The following CLASRP variants were observed in gnomAD, a reference collection of about 807,000 sequenced individuals.
The protein encoded by CLASRP is CLK4-associating serine/arginine rich protein.
A neutral mutation model predicts 99.9 loss-of-function variants in CLASRP; 52 were observed. The observed-to-expected ratio is 0.52, with a 90% CI of 0.42 to 0.66. CLASRP has a LOEUF of 0.66. Ranked by LOEUF, CLASRP falls within the 30% of genes least tolerant of loss-of-function variation. The pLI is 0.00. For missense variants in CLASRP, 848 were observed against 999.2 expected (o/e 0.85, Z 2.04); for synonymous variants, 379 against 373.0 (o/e 1.02, Z -0.18).
At position 45,068,123 on chromosome 19, in the gene CLASRP, G is replaced by C. The variant is rs962943482; in HGVS notation, c.1707+69G>C. 3.5e-5 allele frequency: 51 copies of C among 1,460,596 alleles called. 1 individual carries two copies. The highest frequency in any genetic ancestry group is 4.7e-5 in the Non-Finnish European group (49 of 1,042,578). The allele number at this position is 1,460,596 out of a possible 1,614,324, so 90.5% of individuals were successfully genotyped here. ...GCAGTGCCCAAGAGCTGGGCCCGGT[G>C]GGCCTGCAGGGGGGCCCGGGTGGGC... On this transcript the variant is annotated intron_variant, in intron 15 of 20. Coordinates refer to ENST00000221455, the MANE Select transcript of CLASRP (RefSeq NM_007056.3).
At chr19:45,040,364 G>A in intron 2 of CLASRP, 53 bp downstream of exon 2, 5 of 1,282,252 alleles carry the variant, frequency 3.9e-6, no homozygotes, top group Non-Finnish European at 5.6e-6. Context: ...GGGGGGCACA[G>A]CTGGTCATCC....
chr19:45,053,117 G>A lies in CLASRP; in HGVS notation c.319G>A (p.Asp107Asn). The A allele has an allele frequency of 6.2e-7, 1 of 1,614,072 alleles. No homozygotes were observed. The highest frequency in any genetic ancestry group is 8.5e-7 in the Non-Finnish European group (1 of 1,180,016). The change falls in exon 5 of 21, where the codon GAC becomes AAC. Residue 107 changes from aspartate (D) to asparagine (N), a missense_variant. By Grantham distance (23) the Asp-to-Asn change is conservative. Coordinates refer to ENST00000221455, the MANE Select transcript of CLASRP (RefSeq NM_007056.3). ...CTAAAGCTCCCCAGAACAGGAGTCG[G>A]ACGAACGGAAGTGTAACTACGAGCG... ...LTTISPEQES[D>N]ERKCNYERYR...
rs933969326 is a variant in CLASRP at position 45,057,813 on chromosome 19, G to A, written c.528G>A (p.Glu176=). 1.9e-6 allele frequency: 3 copies of A among 1,613,974 alleles called. No individual in the cohort carries two copies. In the African/African-American group the frequency reaches 4.0e-5, roughly 22 times the overall value. The stretch of plus-strand genomic sequence containing the variant: ...AGGACAGCACGGTGGCCGAGGTAGA[G>A]AAGGCGGCAGAAAAGCCAGAGGAGG... ...TYEDSTVAEV[E]KAAEKPEEEE... The change falls in exon 7 of 21, where the codon GAG becomes GAA. Residue 176 remains glutamate, a synonymous_variant. Coordinates refer to ENST00000221455, the MANE Select transcript of CLASRP (RefSeq NM_007056.3).
intron 2 of CLASRP, among the ~76,000 whole-genome samples, chr19:45,048,506 A>G (rs1158921528): frequency 2.0e-5 from 3 of 151,594 alleles, no homozygotes; most frequent in East Asian, 2.0e-4. Flanking sequence ...AGCCTGGGCA[A>G]CAAGAGTGAA....
rs1212989346 is a variant in CLASRP, at chr19:45,060,372, C to T, written c.711-17C>T. ...GCCTGCCCCATCCTCCACCCTAATT[C>T]TCACCCACCTCTATAGGATGCTCCG... is the stretch of plus-strand genomic sequence containing the variant. On this transcript the variant is annotated splice_polypyrimidine_tract_variant and intron_variant, in intron 8 of 20. Coordinates refer to ENST00000221455, the MANE Select transcript of CLASRP (RefSeq NM_007056.3). The surrounding 1 kb of genome is among the most constrained non-coding windows in gnomAD (Gnocchi z 4.6). The T allele has an allele frequency of 6.2e-7, 1 of 1,613,072 alleles. No individual in the cohort carries two copies. The highest frequency in any genetic ancestry group is 8.5e-7 in the Non-Finnish European group (1 of 1,179,090).
At chr19:45,070,617 G>C in intron 20 of CLASRP, 56 bp downstream of exon 20, 1 of 1,534,262 alleles carries the variant, frequency 6.5e-7, no homozygotes, top group Non-Finnish European at 9.0e-7. Context: ...CCTTTGATGG[G>C]AGGTCCTGGC....
intron 2 of CLASRP, chr19:45,047,430 AACAG>A (rs1971941460): frequency 6.6e-6 from 1 of 151,504 alleles, no homozygotes; most frequent in African/African-American, 2.4e-5. Flanking sequence ...AAAAAAAAAA[AACAG>A]AGAGAGAGAG....
chr19:45,052,749 G>C (rs1480829963), intron 3 of CLASRP, 42 bp from the exon 4 acceptor site: 1 of 1,457,070 alleles, frequency 6.9e-7, no homozygotes, highest in Non-Finnish European at 9.6e-7. Context: ...TGGGCAGTAT[G>C]GACCCTGAGG....
At chr19:45,039,356 C>CAA (rs1297475418) in intron 1 of CLASRP, among the ~76,000 whole-genome samples, 17 of 132,862 alleles carry the variant, frequency 1.3e-4, no homozygotes, top group African/African-American at 4.2e-4. Context: ...GCCCCCTTGT[C>CAA]AAAAAAAAAA....
At chr19:45,043,945 G>A (rs1346662996) in intron 2 of CLASRP, among the ~76,000 whole-genome samples, 4 of 151,940 alleles carry the variant, frequency 2.6e-5, no homozygotes, top group Admixed American at 6.6e-5. Context: ...GCAGTGGCAC[G>A]ATCTCGGCTC....
At position 45,064,238 on chromosome 19, in the gene CLASRP, C is replaced by T; in HGVS notation, c.1121+11C>T. The T allele has an allele frequency of 7.6e-6, 12 of 1,574,062 alleles. No individual in the cohort carries two copies. The highest frequency in any genetic ancestry group is 2.3e-5 in the East Asian group (1 of 43,274). ...TAATGCCAGCGCCCGGTCGGTAACG[C>T]TCACGCCGCCCGCCCTACGCCCCGG... On this transcript the variant is annotated intron_variant, in intron 12 of 20. Coordinates refer to ENST00000221455, the MANE Select transcript of CLASRP (RefSeq NM_007056.3).
intron 2 of CLASRP, among the ~76,000 whole-genome samples, chr19:45,051,586 G>A (rs1972024032): frequency 1.3e-5 from 2 of 152,106 alleles, no homozygotes; most frequent in South Asian, 2.1e-4. Context: ...GATTACAGGC[G>A]TGAGCCACCA....
intron 13 of CLASRP, among the ~76,000 whole-genome samples, chr19:45,064,895 A>C (rs1036836204): frequency 2.6e-5 from 4 of 152,110 alleles, no homozygotes; most frequent in African/African-American, 9.7e-5. Context: ...GAGACTGTGC[A>C]TCTCTCTCTC....
At chr19:45,050,483 A>G (rs1007590540) in intron 2 of CLASRP, among the ~76,000 whole-genome samples, 6 of 152,046 alleles carry the variant, frequency 3.9e-5, no homozygotes, top group African/African-American at 1.4e-4. Context: ...TCGAGAGTTC[A>G]AGACCAGCCA....
In CLASRP at chr19:45,067,461, C is replaced by G; in HGVS notation, c.1534C>G (p.Arg512Gly). 2 of 1,552,306 alleles carry G rather than the reference C, an allele frequency of 1.3e-6. No homozygotes were observed. Among genetic ancestry groups the G allele is most frequent in the Non-Finnish European group, 1.7e-6 (2 of 1,153,624 alleles). Reference protein sequence around the residue: ...PSRSRSLTRSRSHSPSPSQSR... With the variant: ...PSRSRSLTRSGSHSPSPSQSR... ...CCGCAGTCGCAGCCTGACTCGCAGC[C>G]GCAGCCATAGCCCCAGCCCCAGCCA... Residue 512 changes from arginine (R) to glycine (G), a missense_variant, in exon 14 of 21, where the codon CGC (arginine) becomes GGC (glycine). Arg to Gly is a moderately radical substitution (Grantham distance 125). This residue lies in a region of CLASRP where 489 missense variants were observed against 434.7 expected (regional missense o/e 1.12). Coordinates refer to ENST00000221455, the MANE Select transcript of CLASRP (RefSeq NM_007056.3). This position sits in a 1 kb window ranked among gnomAD's most constrained non-coding sequence, Gnocchi z 4.9.
Position 45,057,804 on chromosome 19 carries a change from C to T in CLASRP, c.519C>T (p.Ala173=), listed in dbSNP as rs370248932. The T allele has an allele frequency of 1.1e-5, 18 of 1,613,868 alleles. No homozygotes were observed. The highest frequency in any genetic ancestry group is 5.3e-5 in the African/African-American group (4 of 74,878). Reference sequence around the variant, plus strand: ...ATACCTACGAGGACAGCACGGTGGCCGAGGTAGAGAAGGCGGCAGAAAAGC... The same window carrying T: ...ATACCTACGAGGACAGCACGGTGGCTGAGGTAGAGAAGGCGGCAGAAAAGC... The part of the protein sequence containing the change: ...IGYTYEDSTV[A]EVEKAAEKPE... The change falls in exon 7 of 21, where the codon GCC becomes GCT. Residue 173 remains alanine, a synonymous_variant. Coordinates refer to ENST00000221455, the MANE Select transcript of CLASRP (RefSeq NM_007056.3).
In CLASRP at chr19:45,059,194, C is replaced by T. The variant is rs1414222959; in HGVS notation, c.614-74C>T. On this transcript the variant is annotated intron_variant, in intron 7 of 20. Transcript: ENST00000221455. The stretch of plus-strand genomic sequence containing the variant: ...CTGGCGGGCGCCCCATCATCCCCGC[C>T]TCCTGGAGCACTGCCCCTTCTCCCC... 6 of 1,316,530 alleles carry T rather than the reference C, an allele frequency of 4.6e-6. No individual in the cohort carries two copies. In the South Asian group the frequency reaches 6.3e-5, roughly 14 times the overall value. The allele number at this position is 1,316,530 out of a possible 1,614,324, so 81.6% of individuals were successfully genotyped here. A position where few individuals can be genotyped will look rare whatever the true frequency, so the allele number is the denominator to read the frequency against.
rs1307873029 is a variant in CLASRP at position 45,067,830 on chromosome 19, T to A, written c.1668-185T>A. Among the ~76,000 whole-genome samples the A allele has an allele frequency of 1.3e-5, 2 of 151,766 alleles. No homozygotes were observed. The highest frequency in any genetic ancestry group is 4.8e-5 in the African/African-American group (2 of 41,288). On this transcript the variant is annotated intron_variant, in intron 14 of 20. Coordinates refer to ENST00000221455, the MANE Select transcript of CLASRP (RefSeq NM_007056.3). This position sits in a 1 kb window ranked among gnomAD's most constrained non-coding sequence, Gnocchi z 4.9. ...ATTAGAACCTTGTCCTGGGTGAGGGTCAGAGGGGGACAGGTCCCTGTCTTA... is the reference window on the plus strand; with the variant it reads ...ATTAGAACCTTGTCCTGGGTGAGGGACAGAGGGGGACAGGTCCCTGTCTTA...
Position 45,064,614 on chromosome 19 carries a change from C to G in CLASRP, c.1393C>G (p.Pro465Ala), listed in dbSNP as rs1172411243. 1 of 1,551,436 alleles carries G rather than the reference C, an allele frequency of 6.4e-7. No individual in the cohort carries two copies. The highest frequency in any genetic ancestry group is 8.7e-7 in the Non-Finnish European group (1 of 1,154,524). Residue 465 changes from proline (P) to alanine (A), a missense_variant, in exon 13 of 21, where the codon CCC becomes GCC. By Grantham distance (27) the Pro-to-Ala change is conservative. Transcript: ENST00000221455. ...RSPARRGGYG[P>A]RRRSRSRSHS... is the part of the protein sequence containing the mutation. Reference sequence around the variant, plus strand: ...GCCCGCCCGGCGTGGTGGTTACGGGCCCCGGCGCAGAAGCAGGTGTGTGTG... The same window carrying G: ...GCCCGCCCGGCGTGGTGGTTACGGGGCCCGGCGCAGAAGCAGGTGTGTGTG...
Sources: gnomAD v4.1 joint callset for allele counts (sites outside exome capture counted in the v4.1 genomes callset) on GRCh38, gnomAD v4.1.1 for gene constraint, gnomAD v4.1.1 regional missense constraint, Gnocchi (gnomAD v3.1) non-coding constraint, MANE v1.5 for transcripts, NCBI Gene and HGNC (gene_info 2026-07-23, HGNC 2026-07-21) for gene names.